The following LRRC56 variants were observed in gnomAD, a reference collection of about 807,000 sequenced individuals.
LRRC56 encodes the protein leucine-rich repeat-containing protein 56.
In LRRC56, 41 loss-of-function variants were observed where a neutral mutation model predicts 47.8. The observed-to-expected ratio is 0.86, with a 90% CI of 0.67 to 1.11. The LOEUF (loss-of-function observed/expected upper bound fraction) is 1.11. Among genes scored for constraint, LRRC56 ranks in the 50% most tolerant of loss-of-function variants. The pLI is 0.00. For synonymous variants in LRRC56, 387 were observed against 311.2 expected, an observed-to-expected ratio of 1.24 and a Z score of -2.56; for missense variants, 759 against 704.2, an observed-to-expected ratio of 1.08 and a Z score of -0.88.
At chr11:509,875 T>C in the LRRC56 span, among the ~76,000 whole-genome samples, 2 of 152,048 alleles carry the variant, frequency 1.3e-5, no homozygotes, top group Non-Finnish European at 2.9e-5. Context: ...CACCTCGTTA[T>C]GTCTTTATCT....
intron 6 of LRRC56, among the ~76,000 whole-genome samples, chr11:546,023 A>T (rs1056667795): frequency 6.6e-6 from 1 of 152,056 alleles, no homozygotes; most frequent in Non-Finnish European, 1.5e-5. Flanking sequence ...ATAATCCCAG[A>T]ACTTTGGGAG....
the LRRC56 span, among the ~76,000 whole-genome samples, chr11:530,237 C>T: frequency 6.6e-6 from 1 of 152,222 alleles, no homozygotes; most frequent in African/African-American, 2.4e-5. Flanking sequence ...CCGTAATGAC[C>T]AAGAGGCAGG....
At chr11:510,460 G>A in the LRRC56 span, among the ~76,000 whole-genome samples, 1 of 151,102 alleles carries the variant, frequency 6.6e-6, no homozygotes, top group African/African-American at 2.4e-5. Flanking sequence ...AAAAATGGCT[G>A]GGCACAGTGG....
upstream of LRRC56, chr11:535,271 CCCGCCCGGCCCCACCCACCCGCCG>C (rs927548686): frequency 7.4e-6 from 1 of 135,302 alleles, no homozygotes; most frequent in Admixed American, 7.6e-5. Flanking sequence ...GCCCGCGGGC[CCCGCCCGGCCCCACCCACCCGCCG>C]CCGCCGCCGC....
At chr11:510,970 T>G in the LRRC56 span, among the ~76,000 whole-genome samples, 18 of 152,074 alleles carry the variant, frequency 1.2e-4, no homozygotes, top group Admixed American at 1.0e-3. Context: ...GATGTGTACA[T>G]AAAGTGCACA....
chr11:530,522 G>C, the LRRC56 span, among the ~76,000 whole-genome samples: 55 of 64,028 alleles, frequency 8.6e-4, no homozygotes, highest in Admixed American at 1.8e-3. Context: ...GTCCCCTGGA[G>C]AGAAGGGCGA....
chr11:515,309 G>C, the LRRC56 span, among the ~76,000 whole-genome samples: 2 of 152,184 alleles, frequency 1.3e-5, no homozygotes, highest in South Asian at 4.1e-4. Context: ...TGCTGCAGAT[G>C]AGTCCTTCCT....
At chr11:513,416 C>G in the LRRC56 span, among the ~76,000 whole-genome samples, 1 of 152,100 alleles carries the variant, frequency 6.6e-6, no homozygotes. Flanking sequence ...GCCTCAGTGT[C>G]CCGAGGTGCT....
the LRRC56 span, among the ~76,000 whole-genome samples, chr11:516,660 C>T: frequency 2.0e-4 from 30 of 152,054 alleles, no homozygotes; most frequent in African/African-American, 6.3e-4. Flanking sequence ...AAAAGACGGC[C>T]GGACGTGGTG....
intron 1 of LRRC56, among the ~76,000 whole-genome samples, chr11:538,065 G>A (rs566668139): frequency 2.6e-5 from 4 of 152,316 alleles, no homozygotes; most frequent in Admixed American, 6.5e-5. Flanking sequence ...GGGGACACAG[G>A]GTGGGAGCAG....
the LRRC56 span, among the ~76,000 whole-genome samples, chr11:509,571 G>C: frequency 6.6e-6 from 1 of 152,026 alleles, no homozygotes; most frequent in Non-Finnish European, 1.5e-5. Context: ...TTATTGAGAT[G>C]GAGTCTCGCT....
At chr11:529,626 A>G in the LRRC56 span, 5 of 152,290 alleles carry the variant, frequency 3.3e-5, no homozygotes, top group African/African-American at 1.2e-4. Flanking sequence ...TTGCAGGGGT[A>G]TCCTCGGCAT....
the LRRC56 span, among the ~76,000 whole-genome samples, chr11:524,021 T>C: frequency 6.6e-6 from 1 of 152,136 alleles, no homozygotes; most frequent in South Asian, 2.1e-4. Flanking sequence ...ACCACATTCT[T>C]ACATGCAGAC....
chr11:538,613 G>A lies in LRRC56; in HGVS notation c.-406G>A, dbSNP rs1851634918. The A allele has an allele frequency of 6.6e-6, 1 of 152,406 alleles. No individual in the cohort carries two copies. Among genetic ancestry groups the A allele is most frequent in the Admixed American group, 6.5e-5 (1 of 15,282 alleles). The allele number at this position is 152,406 out of a possible 1,614,324, so 9.4% of individuals were successfully genotyped here. A position where few individuals can be genotyped will look rare whatever the true frequency, so the allele number is the denominator to read the frequency against. On this transcript the variant is annotated 5_prime_UTR_variant, in exon 2 of 14. Coordinates refer to ENST00000270115, the MANE Select transcript of LRRC56 (RefSeq NM_198075.4). ...CTGTCAACAGCCGGCCAACTCGCCT[G>A]GCACAGGGGCAGCTCTAGACGGGAT...
upstream of LRRC56, chr11:532,647 C>T: frequency 1.2e-6 from 2 of 1,612,200 alleles, no homozygotes; most frequent in Non-Finnish European, 8.5e-7. Flanking sequence ...CAGGAGAGCA[C>T]ACACTTGCAG....
At chr11:551,571 G>A in intron 9 of LRRC56, 80 bp from the exon 10 acceptor site, 1 of 1,464,446 alleles carries the variant, frequency 6.8e-7, no homozygotes, top group Non-Finnish European at 9.2e-7. Flanking sequence ...ATGGGGATTG[G>A]GGCCCCTGGT....
At chr11:533,546 G>A (rs111352454), upstream of LRRC56, 3,179 of 1,613,866 alleles carry the variant, frequency 2.0e-3, 8 homozygotes, top group Non-Finnish European at 2.4e-3. Context: ...GTGCAGCCAG[G>A]TCACACTTGT....
chr11:526,924 G>A, the LRRC56 span, among the ~76,000 whole-genome samples: 3 of 151,838 alleles, frequency 2.0e-5, no homozygotes, highest in Non-Finnish European at 4.4e-5. Flanking sequence ...GCGACAGAGC[G>A]AGACACCGTC....
intron 13 of LRRC56, 62 bp downstream of exon 13, chr11:552,764 G>T: frequency 2.1e-6 from 3 of 1,441,398 alleles, no homozygotes; most frequent in East Asian, 2.3e-5. Flanking sequence ...ACTTCTATAG[G>T]GGGGCCCTTA....
Sources: allele counts gnomAD v4.1 joint callset (sites outside exome capture counted in the v4.1 genomes callset), GRCh38; gene constraint gnomAD v4.1.1; transcripts MANE v1.5; gene names NCBI Gene and HGNC (gene_info 2026-07-23, HGNC 2026-07-21).